Variants in AP3S2 observed in about 807,000 individuals in gnomAD.
The protein encoded by AP3S2 is AP-3 complex subunit sigma-2.
AP3S2 carries 22 observed loss-of-function variants against 23.4 expected under a neutral mutation model. That is an observed-to-expected ratio of 0.94 (90% CI 0.67 to 1.34). The LOEUF is 1.34. Ranked by LOEUF, AP3S2 falls within the 40% of genes most tolerant of loss-of-function variation. The probability of loss-of-function intolerance (pLI) is 0.00; values close to 1 mark genes in which losing one functional copy is unlikely to be tolerated. For missense variants in AP3S2, 241 were observed against 236.9 expected (o/e 1.02, Z -0.11); for synonymous variants, 86 against 87.1 (o/e 0.99, Z 0.07).
chr15:89,886,169 T>G (rs1896696904), intron 3 of AP3S2, among the ~76,000 whole-genome samples: 1 of 151,936 alleles, frequency 6.6e-6, no homozygotes, highest in Non-Finnish European at 1.5e-5. Context: ...GCCAACATGG[T>G]GAAACCCTGT....
At chr15:89,847,285 G>A (rs968502732) in intron 4 of AP3S2, among the ~76,000 whole-genome samples, 21 of 147,254 alleles carry the variant, frequency 1.4e-4, no homozygotes, top group African/African-American at 5.0e-4. Context: ...TCGGTAGGCT[G>A]AGGTAAGAGG....
At chr15:89,849,272 C>A (rs539522352) in intron 4 of AP3S2, among the ~76,000 whole-genome samples, 2 of 152,320 alleles carry the variant, frequency 1.3e-5, no homozygotes, top group Non-Finnish European at 2.9e-5. Flanking sequence ...ATTACACACT[C>A]CCATGACTTC....
At chr15:89,854,602 C>T (rs1277330903) in intron 4 of AP3S2, among the ~76,000 whole-genome samples, 3 of 72,436 alleles carry the variant, frequency 4.1e-5, no homozygotes, top group Admixed American at 1.1e-4. Context: ...CAGCCAGCCG[C>T]CCTGTCCGGG....
rs1235011389 is a variant in AP3S2, at chr15:89,832,511, C to T, written c.*3004G>A. Reference sequence around the variant, plus strand: ...ATTTTTTTTTTTTTTTTTTTTGAGACGGAGTCTTGCTGTGTTGCCCAGGCT... The same window carrying T: ...ATTTTTTTTTTTTTTTTTTTTGAGATGGAGTCTTGCTGTGTTGCCCAGGCT... On this transcript the variant is annotated 3_prime_UTR_variant, in exon 6 of 6. Transcript: ENST00000336418. The T allele has an allele frequency of 4.4e-5, 5 of 114,666 alleles. No homozygotes were observed. In the East Asian group the frequency reaches 7.6e-4, roughly 17 times the overall value. 7.1% of individuals were successfully genotyped at this position (114,666 alleles called of 1,614,324 possible). A position where few individuals can be genotyped will look rare whatever the true frequency, so the allele number is the denominator to read the frequency against.
chr15:89,879,481 T>C (rs955741552), intron 3 of AP3S2, among the ~76,000 whole-genome samples: 3 of 152,090 alleles, frequency 2.0e-5, no homozygotes, highest in Admixed American at 6.5e-5. Context: ...GAATCAAAGA[T>C]GATGATACAT....
chr15:89,844,014 C>A (rs1224240826), intron 4 of AP3S2, among the ~76,000 whole-genome samples: 1 of 152,166 alleles, frequency 6.6e-6, no homozygotes, highest in African/African-American at 2.4e-5. Flanking sequence ...AGAATACGAA[C>A]ACTGATTTCC....
rs528293440 is a variant in AP3S2, at chr15:89,831,734, G to C, written c.*3781C>G. 2 of 152,440 alleles carry C rather than the reference G, an allele frequency of 1.3e-5. No individual in the cohort carries two copies. The highest frequency in any genetic ancestry group is 4.8e-5 in the African/African-American group (2 of 41,596). 9.4% of individuals were successfully genotyped at this position (152,440 alleles called of 1,614,324 possible). ...CAGAAGGCTGGCTCTATATGTGGCA[G>C]AGGCCTGAATAAACAGGGATTTGAG... On this transcript the variant is annotated 3_prime_UTR_variant, in exon 6 of 6. Coordinates refer to ENST00000336418, the MANE Select transcript of AP3S2 (RefSeq NM_005829.5).
At chr15:89,864,029 T>C (rs1167041932) in intron 4 of AP3S2, among the ~76,000 whole-genome samples, 1 of 152,230 alleles carries the variant, frequency 6.6e-6, no homozygotes, top group Non-Finnish European at 1.5e-5. Flanking sequence ...TTCTGATTCC[T>C]TGCATCACTT....
chr15:89,886,113 G>T (rs1258453512), intron 3 of AP3S2, among the ~76,000 whole-genome samples: 1 of 152,088 alleles, frequency 6.6e-6, no homozygotes, highest in African/African-American at 2.4e-5. Context: ...CACTTTGGGA[G>T]GCCGAGGCGG....
chr15:89,890,298 C>A (rs1013541211), intron 1 of AP3S2, among the ~76,000 whole-genome samples: 1 of 152,202 alleles, frequency 6.6e-6, no homozygotes, highest in Admixed American at 6.5e-5. Context: ...GATCCACCTG[C>A]TTTGGCCTCC....
chr15:89,893,821 AGAG>A, intron 1 of AP3S2, 57 bp downstream of exon 1: 1 of 1,533,508 alleles, frequency 6.5e-7, no homozygotes, highest in Non-Finnish European at 8.8e-7. Context: ...GAGAGGCCAA[AGAG>A]GAGGGAAGAC....
intron 3 of AP3S2, chr15:89,877,493 A>G: frequency 2.4e-6 from 2 of 830,636 alleles, no homozygotes; most frequent in Non-Finnish European, 3.5e-6. Flanking sequence ...ATTCAGTAGC[A>G]TTCGATAACG....
intron 3 of AP3S2, among the ~76,000 whole-genome samples, chr15:89,886,234 G>C (rs1384401735): frequency 2.0e-5 from 3 of 152,028 alleles, no homozygotes; most frequent in East Asian, 1.9e-4. Context: ...CCAGCTACTC[G>C]AGAGGCTGAG....
intron 4 of AP3S2, among the ~76,000 whole-genome samples, chr15:89,844,282 T>C (rs1895428714): frequency 3.2e-5 from 2 of 62,412 alleles, no homozygotes; most frequent in Non-Finnish European, 1.1e-4. Context: ...TCTCTCTCTC[T>C]CTTTCTTTCT....
intron 4 of AP3S2, chr15:89,845,595 A>T (rs770498614): frequency 5.9e-5 from 9 of 152,238 alleles, no homozygotes; most frequent in Non-Finnish European, 8.8e-5. Context: ...CTGTTAAACA[A>T]CAGAAGTTGG....
At chr15:89,856,125 G>T (rs542303555) in intron 4 of AP3S2, among the ~76,000 whole-genome samples, 10 of 152,270 alleles carry the variant, frequency 6.6e-5, no homozygotes, top group African/African-American at 2.2e-4. Flanking sequence ...GAGGAACACA[G>T]GGTTCCTAGT....
intron 4 of AP3S2, chr15:89,845,851 C>T (rs1166860969): frequency 6.6e-6 from 1 of 152,166 alleles, no homozygotes; most frequent in Non-Finnish European, 1.5e-5. Context: ...AATAATTCAA[C>T]CTTCTACTCA....
At chr15:89,857,173 G>A (rs1021645757) in intron 4 of AP3S2, among the ~76,000 whole-genome samples, 3 of 152,110 alleles carry the variant, frequency 2.0e-5, no homozygotes, top group African/African-American at 7.2e-5. Flanking sequence ...GGAGAGACAG[G>A]GTTTCAACAT....
At chr15:89,858,471 GAAAGAAAGAAAGAAAGAA>G (rs1396777530) in intron 4 of AP3S2, among the ~76,000 whole-genome samples, 1 of 27,272 alleles carries the variant, frequency 3.7e-5, no homozygotes, top group African/African-American at 1.5e-4. Context: ...AAGAAAGAAA[GAAAGAAAGAAAGAAAGAA>G]AGAAAGAGAG....
Sources: allele counts gnomAD v4.1 joint callset (sites outside exome capture counted in the v4.1 genomes callset), GRCh38; gene constraint gnomAD v4.1.1; transcripts MANE v1.5; gene names NCBI Gene and HGNC (gene_info 2026-07-23, HGNC 2026-07-21).